Variants in CADPS2 observed in about 807,000 individuals in gnomAD.
The protein encoded by CADPS2 is calcium-dependent secretion activator 2.
A neutral mutation model predicts 172.5 loss-of-function variants in CADPS2; 93 were observed. That is an observed-to-expected ratio of 0.54 (90% confidence interval 0.46 to 0.64). The LOEUF is 0.64. Ranked by LOEUF, CADPS2 falls within the 30% of genes least tolerant of loss-of-function variation. CADPS2 has a pLI of 0.00. For missense variants in CADPS2, 1,420 were observed against 1,565.9 expected, an observed-to-expected ratio of 0.91 and a Z score of 1.57; for synonymous variants, 546 against 555.2, an observed-to-expected ratio of 0.98 and a Z score of 0.23.
rs1481280283 is a variant in CADPS2 at position 122,705,791 on chromosome 7, TATATA to T, written c.453+31159_453+31163del. On this transcript the variant is annotated intron_variant, in intron 2 of 29. Coordinates refer to ENST00000449022, the MANE Select transcript of CADPS2 (RefSeq NM_017954.11). The stretch of plus-strand genomic sequence containing the variant: ...ATGATATATTATATAATATATATCA[TATATA>T]ATATAATATATATGATATATAATAA... 3.4e-4 allele frequency among the ~76,000 whole-genome samples: 7 copies of T among 20,554 alleles called. 1 individual carries two copies. Among genetic ancestry groups the T allele is most frequent in the African/African-American group, 6.3e-4 (5 of 7,918 alleles). The allele number at this position is 20,554 out of a possible 152,430, so 13.5% of individuals were successfully genotyped here.
At chr7:122,617,408 T>C (rs1031884430) in intron 5 of CADPS2, among the ~76,000 whole-genome samples, 1 of 152,168 alleles carries the variant, frequency 6.6e-6, no homozygotes, top group Non-Finnish European at 1.5e-5. Context: ...TAATCTAATT[T>C]TAAGTGTTTC....
intron 14 of CADPS2, 30 bp downstream of exon 14, chr7:122,471,345 A>T: frequency 6.3e-7 from 1 of 1,581,830 alleles, no homozygotes; most frequent in Middle Eastern, 1.7e-4. Flanking sequence ...AACCCCATAC[A>T]TTTCACTTTG....
chr7:122,635,130 TTAGA>T (rs1485588416), intron 3 of CADPS2, among the ~76,000 whole-genome samples: 3 of 152,172 alleles, frequency 2.0e-5, no homozygotes, highest in Non-Finnish European at 2.9e-5. Flanking sequence ...TCTGTGATTG[TTAGA>T]TAGAGTATTC....
intron 1 of CADPS2, among the ~76,000 whole-genome samples, chr7:122,871,997 A>C (rs1819881427): frequency 6.6e-6 from 1 of 152,148 alleles, no homozygotes; most frequent in Admixed American, 6.5e-5. Flanking sequence ...ACATATGACA[A>C]CACTCAAATT....
At chr7:122,450,069 G>C (rs531739154) in intron 15 of CADPS2, among the ~76,000 whole-genome samples, 9 of 151,912 alleles carry the variant, frequency 5.9e-5, no homozygotes, top group Non-Finnish European at 1.3e-4. Flanking sequence ...TAACAAAAAA[G>C]AATAATAATG....
At chr7:122,406,627 C>G (rs898805292) in intron 20 of CADPS2, among the ~76,000 whole-genome samples, 1 of 151,940 alleles carries the variant, frequency 6.6e-6, no homozygotes, top group Non-Finnish European at 1.5e-5. Flanking sequence ...GCAATGGGCA[C>G]GAAAACCCTA....
chr7:122,546,079 G>A (rs992100891), intron 8 of CADPS2, among the ~76,000 whole-genome samples: 1 of 152,136 alleles, frequency 6.6e-6, no homozygotes, highest in Non-Finnish European at 1.5e-5. Context: ...AATGCAGGAT[G>A]AATACTTAGA....
chr7:122,423,032 AT>A (rs2048719772), intron 17 of CADPS2, among the ~76,000 whole-genome samples: 1 of 152,180 alleles, frequency 6.6e-6, no homozygotes, highest in African/African-American at 2.4e-5. Context: ...TAGCCAGGGA[AT>A]TTCTACTGGA....
chr7:122,842,337 G>A (rs575307027), intron 1 of CADPS2, among the ~76,000 whole-genome samples: 1 of 152,268 alleles, frequency 6.6e-6, no homozygotes, highest in South Asian at 2.1e-4. Flanking sequence ...AAAAAAATCT[G>A]GTACAATGGG....
At chr7:122,698,519 C>T (rs1448754269) in intron 2 of CADPS2, 6 of 1,613,936 alleles carry the variant, frequency 3.7e-6, no homozygotes, top group Non-Finnish European at 5.1e-6. Flanking sequence ...TTGCCAGTAC[C>T]TGGAACGTTA....
intron 1 of CADPS2, among the ~76,000 whole-genome samples, chr7:122,839,824 T>G (rs2140896596): frequency 6.6e-6 from 1 of 152,318 alleles, no homozygotes; most frequent in East Asian, 1.9e-4. Flanking sequence ...ACTTTTACAC[T>G]GTTGGTGGGA....
chr7:122,567,835 G>C (rs1308678753), intron 7 of CADPS2, among the ~76,000 whole-genome samples: 1 of 151,796 alleles, frequency 6.6e-6, no homozygotes, highest in Non-Finnish European at 1.5e-5. Flanking sequence ...AGAAAAACTA[G>C]AATCTTAAAG....
chr7:122,372,682 T>C (rs73444452), intron 25 of CADPS2, among the ~76,000 whole-genome samples: 6 of 152,372 alleles, frequency 3.9e-5, no homozygotes, highest in African/African-American at 1.4e-4. Flanking sequence ...GTTATTTTCA[T>C]CTACTTTATG....
intron 17 of CADPS2, among the ~76,000 whole-genome samples, chr7:122,423,841 T>C (rs940596427): frequency 6.6e-6 from 1 of 152,212 alleles, no homozygotes; most frequent in African/African-American, 2.4e-5. Context: ...TGCCAGGTGA[T>C]GCTCATGATG....
chr7:122,626,905 C>T (rs2076142250), intron 4 of CADPS2, among the ~76,000 whole-genome samples: 1 of 152,190 alleles, frequency 6.6e-6, no homozygotes, highest in Non-Finnish European at 1.5e-5. Flanking sequence ...TCACTACTTC[C>T]TAATTACCTC....
chr7:122,329,762 G>A (rs755345701), intron 28 of CADPS2, among the ~76,000 whole-genome samples: 7 of 152,114 alleles, frequency 4.6e-5, no homozygotes, highest in South Asian at 4.1e-4. Context: ...CACCTGGAAT[G>A]AGGTCTCAAT....
intron 8 of CADPS2, among the ~76,000 whole-genome samples, chr7:122,538,428 C>A (rs2062564621): frequency 6.8e-6 from 1 of 146,094 alleles, no homozygotes; most frequent in African/African-American, 2.5e-5. Context: ...AGAACATTTA[C>A]CTTAACTCAT....
intron 1 of CADPS2, among the ~76,000 whole-genome samples, chr7:122,840,726 A>G (rs2140915826): frequency 6.6e-6 from 1 of 152,238 alleles, no homozygotes; most frequent in Admixed American, 6.5e-5. Context: ...GACTAGTCTG[A>G]GTAACACAAG....
intron 16 of CADPS2, 77 bp from the exon 17 acceptor site, chr7:122,438,541 T>C: frequency 6.7e-7 from 1 of 1,485,138 alleles, no homozygotes; most frequent in East Asian, 2.3e-5. Flanking sequence ...AGATGTTGCA[T>C]AAAATAAATA....
Sources: gnomAD v4.1 joint callset for allele counts (sites outside exome capture counted in the v4.1 genomes callset) on GRCh38, gnomAD v4.1.1 for gene constraint, MANE v1.5 for transcripts, NCBI Gene and HGNC (gene_info 2026-07-23, HGNC 2026-07-21) for gene names.